Variants in MICAL3 observed in about 807,000 individuals in gnomAD.
MICAL3 encodes the protein microtubule associated monooxygenase, calponin and LIM domain containing 3.
In MICAL3, 62 loss-of-function variants were observed where a neutral mutation model predicts 207.4. The ratio of observed to expected loss-of-function variants is 0.30; its 90% CI spans 0.24 to 0.37. The LOEUF is 0.37. Among genes scored for constraint, MICAL3 ranks in the 10% least tolerant of loss-of-function variants. The pLI is 1.00. For synonymous variants in MICAL3, 1,077 were observed against 1,069.3 expected (o/e 1.01, Z -0.14); for missense variants, 2,368 against 2,635.6 (o/e 0.90, Z 2.22).
At chr22:17,894,007 C>A in intron 10 of MICAL3, 103 bp from the exon 11 acceptor site, 1 of 818,926 alleles carries the variant, frequency 1.2e-6, no homozygotes. Flanking sequence ...GGATAGAAGG[C>A]TGGGTAAAGT....
In MICAL3 at chr22:17,841,724, G is replaced by A; in HGVS notation, c.2801+98C>T. 7.9e-7 allele frequency: 1 copy of A among 1,265,778 alleles called. No individual in the cohort carries two copies. The highest frequency in any genetic ancestry group is 2.1e-5 in the Admixed American group (1 of 48,176). 78.4% of individuals were successfully genotyped at this position (1,265,778 alleles called of 1,614,324 possible). ...GGACTGCGGGCAGCAGGAAAGACAG[G>A]AGGCCTCCCTTCACTGAGAAGAAAC... On this transcript the variant is annotated intron_variant, in intron 20 of 31. Coordinates refer to ENST00000441493, the MANE Select transcript of MICAL3 (RefSeq NM_015241.3). This position sits in a 1 kb window ranked among gnomAD's most constrained non-coding sequence, Gnocchi z 4.2.
At position 17,818,408 on chromosome 22, in the gene MICAL3, T is replaced by G; in HGVS notation, c.4253A>C (p.Glu1418Ala). The G allele has an allele frequency of 6.2e-7, 1 of 1,611,766 alleles. No individual in the cohort carries two copies. The highest frequency in any genetic ancestry group is 8.5e-7 in the Non-Finnish European group (1 of 1,179,774). ...SDRELRSAQE[E>A]RRELSSSSGL... ...AGAGCTGCTGGACAGCTCCCTGCGC[T>G]CCTCCTGGGCGCTGCGTAGCTCTCT... is the stretch of plus-strand genomic sequence containing the variant. The change falls in exon 26 of 32, where the codon GAG becomes GCG. Residue 1418 changes from glutamate to alanine, a missense_variant. Glu to Ala is a moderately radical substitution (Grantham distance 107, BLOSUM62 -1). Transcript: ENST00000441493.
chr22:17,879,561 A>G (rs1342455389), intron 16 of MICAL3, among the ~76,000 whole-genome samples: 1 of 152,170 alleles, frequency 6.6e-6, no homozygotes, highest in Non-Finnish European at 1.5e-5. Flanking sequence ...CATCTGTATC[A>G]AATCCCATGA....
chr22:17,977,601 A>G (rs1016234029), intron 1 of MICAL3, among the ~76,000 whole-genome samples: 1 of 152,140 alleles, frequency 6.6e-6, no homozygotes, highest in Non-Finnish European at 1.5e-5. Context: ...GAACCCTCCT[A>G]TGTTGCTGGT....
intron 16 of MICAL3, among the ~76,000 whole-genome samples, chr22:17,878,967 C>T (rs189339338): frequency 5.3e-5 from 8 of 152,118 alleles, no homozygotes; most frequent in Non-Finnish European, 2.9e-5. Context: ...TGATTTAGAC[C>T]CTCTCCCTAA....
intron 1 of MICAL3, among the ~76,000 whole-genome samples, chr22:17,977,532 A>G (rs1315210748): frequency 7.4e-6 from 1 of 134,366 alleles, no homozygotes; most frequent in Non-Finnish European, 1.6e-5. Context: ...TAGGAAGACT[A>G]TAATAAAAAA....
intron 19 of MICAL3, among the ~76,000 whole-genome samples, chr22:17,847,092 G>C (rs933767765): frequency 1.3e-5 from 2 of 152,098 alleles, no homozygotes; most frequent in East Asian, 1.9e-4. Context: ...AGGATACTAA[G>C]AGGCAGGGTC....
chr22:17,804,014 T>A (rs993303491), intron 29 of MICAL3, among the ~76,000 whole-genome samples: 1 of 152,180 alleles, frequency 6.6e-6, no homozygotes, highest in Non-Finnish European at 1.5e-5. Flanking sequence ...CTGGAAGGCA[T>A]GCGTGCCTAA....
At chr22:17,893,730 AC>A in intron 11 of MICAL3, 77 bp downstream of exon 11, 1 of 1,085,684 alleles carries the variant, frequency 9.2e-7, no homozygotes, top group Non-Finnish European at 1.4e-6. Context: ...CTCGGACCGC[AC>A]CTTGTGGCTC....
intron 29 of MICAL3, among the ~76,000 whole-genome samples, chr22:17,795,455 C>T (rs567371780): frequency 3.3e-5 from 5 of 152,192 alleles, no homozygotes; most frequent in Non-Finnish European, 5.9e-5. Flanking sequence ...AAGAGGCAGG[C>T]GCCTGCACGG....
chr22:17,855,504 C>T (rs1226379896), intron 19 of MICAL3, among the ~76,000 whole-genome samples: 1 of 152,196 alleles, frequency 6.6e-6, no homozygotes, highest in Non-Finnish European at 1.5e-5. Flanking sequence ...AAGCATGTTC[C>T]CCAATCCTCC....
chr22:17,911,769 C>T (rs189310553), intron 1 of MICAL3, among the ~76,000 whole-genome samples: 98 of 134,676 alleles, frequency 7.3e-4, no homozygotes, highest in African/African-American at 3.1e-3. Context: ...GAGGTCGAAG[C>T]TGCAGTGAGC....
At chr22:17,945,008 CTTTTTT>C (rs10533905) in intron 1 of MICAL3, among the ~76,000 whole-genome samples, 2 of 138,048 alleles carry the variant, frequency 1.4e-5, no homozygotes, top group African/African-American at 5.8e-5. Flanking sequence ...ACTGGGGGAC[CTTTTTT>C]TTTTTTTTTT....
intron 1 of MICAL3, among the ~76,000 whole-genome samples, chr22:17,913,873 T>C (rs2146283108): frequency 6.6e-6 from 1 of 152,190 alleles, no homozygotes; most frequent in East Asian, 1.9e-4. Flanking sequence ...AGGCACCCAA[T>C]AAACACAATC....
intron 16 of MICAL3, among the ~76,000 whole-genome samples, chr22:17,877,441 GGGAGGTTAT>G (rs1318717132): frequency 2.9e-5 from 3 of 102,618 alleles, no homozygotes; most frequent in African/African-American, 5.1e-5. Flanking sequence ...ATGGAGGTGA[GGGAGGTTAT>G]GGAGGTTAGG....
At position 17,817,241 on chromosome 22, in the gene MICAL3, G is replaced by A. The variant is rs1039257685; in HGVS notation, c.5350+70C>T. 4.1e-6 allele frequency: 6 copies of A among 1,466,506 alleles called. No individual in the cohort carries two copies. The Middle Eastern group carries it at 7.3e-4, about 178-fold the overall frequency. 90.8% of individuals were successfully genotyped at this position (1,466,506 alleles called of 1,614,324 possible). A position where few individuals can be genotyped will look rare whatever the true frequency, so the allele number is the denominator to read the frequency against. On this transcript the variant is annotated intron_variant, in intron 26 of 31. Coordinates refer to ENST00000441493, the MANE Select transcript of MICAL3 (RefSeq NM_015241.3). ...GAGCGTGTGAGTGTGGATCCTGAGA[G>A]CCCCAGTGACCCCAGCCCCTCCCGC...
intron 1 of MICAL3, among the ~76,000 whole-genome samples, chr22:17,969,924 T>A (rs557240250): frequency 6.6e-6 from 1 of 152,134 alleles, no homozygotes; most frequent in Non-Finnish European, 1.5e-5. Flanking sequence ...GAGGGCCTCA[T>A]GAGGTCACGT....
rs375527563 is a variant in MICAL3 at position 17,891,498 on chromosome 22, G to C, written c.1681C>G (p.Arg561Gly). ...LALCAIIHRY[R>G]PDLIDFDSLD... The stretch of plus-strand genomic sequence containing the variant: ...ATCACAACTTACATCAGGTCAGGGC[G>C]GTATCTATGGATAATTGCACAAAGG... Residue 561 changes from arginine (R) to glycine (G), a missense_variant, in exon 12 of 32, where the codon CGC becomes GGC. Arg to Gly is a moderately radical substitution (Grantham distance 125). Transcript: ENST00000441493. 6.2e-7 allele frequency: 1 copy of C among 1,613,816 alleles called. No homozygotes were observed. Among genetic ancestry groups the C allele is most frequent in the African/African-American group, 1.3e-5 (1 of 74,914 alleles).
chr22:17,911,335 G>GA lies in MICAL3; in HGVS notation c.-74-4450dup, dbSNP rs11312932. Reference sequence around the variant, plus strand: ...GAAAGGAGAATCATGTTTAAAAATAGAAAAAAAAAAAGAAACAAAACAACA... The same window carrying GA: ...GAAAGGAGAATCATGTTTAAAAATAGAAAAAAAAAAAAGAAACAAAACAACA... On this transcript the variant is annotated intron_variant, in intron 1 of 31. Coordinates refer to ENST00000441493, the MANE Select transcript of MICAL3 (RefSeq NM_015241.3). 4.5e-3 allele frequency among the ~76,000 whole-genome samples: 658 copies of GA among 146,502 alleles called. 2 individuals are homozygous for GA. The highest frequency in any genetic ancestry group is 5.3e-3 in the African/African-American group (209 of 39,720).
Sources: gnomAD v4.1 joint callset for allele counts (sites outside exome capture counted in the v4.1 genomes callset) on GRCh38, gnomAD v4.1.1 for gene constraint, Gnocchi (gnomAD v3.1) non-coding constraint, MANE v1.5 for transcripts, NCBI Gene and HGNC (gene_info 2026-07-23, HGNC 2026-07-21) for gene names.